The following USP43 variants were observed in gnomAD, a reference collection of about 807,000 sequenced individuals.
USP43 encodes ubiquitin specific peptidase 43, also known as ubiquitin carboxyl-terminal hydrolase 43.
In USP43, 33 loss-of-function variants were observed where a neutral mutation model predicts 90.7. That is an observed-to-expected ratio of 0.36 (90% confidence interval 0.28 to 0.49). USP43 has a LOEUF of 0.49. Ranked by LOEUF, USP43 falls within the 20% of genes least tolerant of loss-of-function variation. The probability of loss-of-function intolerance (pLI) is 0.98; values close to 1 mark genes in which losing one functional copy is unlikely to be tolerated. For synonymous variants in USP43, 598 were observed against 615.8 expected (o/e 0.97, Z 0.43); for missense variants, 1,274 against 1,476.4 (o/e 0.86, Z 2.25).
chr17:9,651,174 GT>G (rs145339421), intron 1 of USP43, among the ~76,000 whole-genome samples: 1 of 151,310 alleles, frequency 6.6e-6, no homozygotes, highest in South Asian at 2.1e-4. Flanking sequence ...GCTGTTTGAT[GT>G]TTTTTTTGTT....
At chr17:9,671,601 G>A (rs1040134766) in intron 3 of USP43, among the ~76,000 whole-genome samples, 2 of 152,200 alleles carry the variant, frequency 1.3e-5, no homozygotes. Flanking sequence ...CCGCAGCCCT[G>A]AGTTTTAATA....
At position 9,645,789 on chromosome 17, in the gene USP43, T is replaced by A; in HGVS notation, c.157T>A (p.Cys53Ser). 2 of 1,390,748 alleles carry A rather than the reference T, an allele frequency of 1.4e-6. No individual in the cohort carries two copies. Among genetic ancestry groups the A allele is most frequent in the Non-Finnish European group, 1.9e-6 (2 of 1,081,024 alleles). 86.2% of individuals were successfully genotyped at this position (1,390,748 alleles called of 1,614,324 possible). A position where few individuals can be genotyped will look rare whatever the true frequency, so the allele number is the denominator to read the frequency against. The change falls in exon 1 of 15, where the codon TGT (cysteine) becomes AGT (serine). Residue 53 changes from cysteine to serine, a missense_variant. Cys to Ser is a moderately radical substitution (Grantham distance 112). This residue lies in a region of USP43 where 112 missense variants were observed against 106.6 expected (regional missense o/e 1.05). Transcript: ENST00000285199. The surrounding 1 kb of genome is among the most constrained non-coding windows in gnomAD (Gnocchi z 6.8). The part of the protein sequence containing the change: ...DSPPRPQPGH[C>S]DGDGEGGFAC... ...ACCGCCCCGGCCCCAGCCGGGACAC[T>A]GTGATGGCGACGGTGAGGGGGGCTT... is the stretch of plus-strand genomic sequence containing the variant.
At chr17:9,703,340 G>A (rs1188778727) in intron 12 of USP43, among the ~76,000 whole-genome samples, 1 of 152,180 alleles carries the variant, frequency 6.6e-6, no homozygotes, top group East Asian at 1.9e-4. Flanking sequence ...TAAATTAAGG[G>A]CAGTGATGTA....
At position 9,728,394 on chromosome 17, in the gene USP43, C is replaced by T. The variant is rs1917392249; in HGVS notation, c.2776C>T (p.Pro926Ser). ...KENAGQDIKL[P>S]RKFDLPLTVM... Reference sequence around the variant, plus strand: ...AAATGCAGGGCAGGACATCAAGCTTCCCAGAAAGTTTGACCTGCCTCTCAC... The same window carrying T: ...AAATGCAGGGCAGGACATCAAGCTTTCCAGAAAGTTTGACCTGCCTCTCAC... The change falls in exon 15 of 15, where the codon CCC (proline) becomes TCC (serine). Residue 926 changes from proline to serine, a missense_variant. By Grantham distance (74) the Pro-to-Ser change is moderately conservative (BLOSUM62 -1). Transcript: ENST00000285199. The surrounding 1 kb of genome is among the most constrained non-coding windows in gnomAD (Gnocchi z 6.2). The T allele has an allele frequency of 6.2e-7, 1 of 1,608,410 alleles. No homozygotes were observed.
intron 2 of USP43, among the ~76,000 whole-genome samples, chr17:9,665,543 C>G (rs1912984281): frequency 6.6e-6 from 1 of 152,124 alleles, no homozygotes. Context: ...GGAACCGCCC[C>G]CATGATCCAA....
chr17:9,672,861 T>G (rs1913527295), intron 3 of USP43, among the ~76,000 whole-genome samples: 1 of 152,200 alleles, frequency 6.6e-6, no homozygotes, highest in South Asian at 2.1e-4. Context: ...CACCCAGGAT[T>G]GCCTCGGGCG....
At chr17:9,726,715 C>T (rs972627078) in intron 14 of USP43, among the ~76,000 whole-genome samples, 1 of 152,186 alleles carries the variant, frequency 6.6e-6, no homozygotes, top group South Asian at 2.1e-4. Flanking sequence ...GGGACACAAA[C>T]CTTCAGTCCA....
chr17:9,718,705 T>C (rs1916751624), intron 14 of USP43, among the ~76,000 whole-genome samples: 1 of 151,932 alleles, frequency 6.6e-6, no homozygotes, highest in African/African-American at 2.4e-5. Flanking sequence ...CCGGGCATGG[T>C]GGTGCATGCC....
intron 9 of USP43, 38 bp downstream of exon 9, chr17:9,693,268 C>T: frequency 6.5e-7 from 1 of 1,529,662 alleles, no homozygotes. Flanking sequence ...GCTAATGAAC[C>T]CTTTCTTATT....
chr17:9,726,619 T>A (rs990556518), intron 14 of USP43, among the ~76,000 whole-genome samples: 2 of 152,192 alleles, frequency 1.3e-5, no homozygotes, highest in African/African-American at 4.8e-5. Context: ...ACGAGGGCTC[T>A]ACCCTCAAGA....
intron 5 of USP43, among the ~76,000 whole-genome samples, chr17:9,677,949 G>A (rs529293431): frequency 4.6e-5 from 7 of 152,098 alleles, no homozygotes; most frequent in Admixed American, 6.5e-5. Context: ...GACCTCTATC[G>A]CTACCTCATA....
intron 14 of USP43, among the ~76,000 whole-genome samples, chr17:9,720,491 T>A (rs1016508786): frequency 1.3e-5 from 2 of 150,070 alleles, no homozygotes; most frequent in African/African-American, 4.9e-5. Flanking sequence ...TAGGAGAGGG[T>A]GTTTTTTGTT....
Position 9,728,281 on chromosome 17 carries a change from C to G in USP43, c.2663C>G (p.Ala888Gly). ...GGGCGGGCCATTGAAAGAGGTCCAG[C>G]CGGGGTGCCCTGTCCCTCGGCTCAA... Reference protein sequence around the residue: ...DGGRAIERGPAGVPCPSAQPN... With the variant: ...DGGRAIERGPGGVPCPSAQPN... The change falls in exon 15 of 15, where the codon GCC becomes GGC. Residue 888 changes from alanine to glycine, a missense_variant. This residue lies in a region of USP43 where 353 missense variants were observed against 329.7 expected (regional missense o/e 1.07). Transcript: ENST00000285199. The surrounding 1 kb of genome is among the most constrained non-coding windows in gnomAD (Gnocchi z 6.2). 1 of 1,613,394 alleles carries G rather than the reference C, an allele frequency of 6.2e-7. No individual in the cohort carries two copies. The highest frequency in any genetic ancestry group is 8.5e-7 in the Non-Finnish European group (1 of 1,179,716).
At chr17:9,670,668 T>C (rs932490223) in intron 3 of USP43, among the ~76,000 whole-genome samples, 2 of 152,044 alleles carry the variant, frequency 1.3e-5, no homozygotes, top group Admixed American at 6.5e-5. Flanking sequence ...TCGAGGGTGC[T>C]TTGAAGTACA....
intron 14 of USP43, among the ~76,000 whole-genome samples, chr17:9,726,041 G>A (rs1028575342): frequency 2.6e-5 from 4 of 152,136 alleles, no homozygotes; most frequent in African/African-American, 9.7e-5. Flanking sequence ...CTAATCTAAA[G>A]AAATGCTTTG....
chr17:9,645,764 A>G lies in USP43; in HGVS notation c.132A>G (p.Ser44=). The change falls in exon 1 of 15, where the codon TCA becomes TCG. Residue 44 remains serine, a synonymous_variant. Coordinates refer to ENST00000285199, the MANE Select transcript of USP43 (RefSeq NM_153210.5). The surrounding 1 kb of genome is among the most constrained non-coding windows in gnomAD (Gnocchi z 6.8). ...ALGSRSRPGD[S]PPRPQPGHCD... is the part of the protein sequence containing the mutation. ...GCAGCCGCTCACGCCCCGGGGACTC[A>G]CCGCCCCGGCCCCAGCCGGGACACT... The G allele has an allele frequency of 1.4e-6, 2 of 1,394,168 alleles. No individual in the cohort carries two copies. Among genetic ancestry groups the G allele is most frequent in the South Asian group, 3.2e-5 (2 of 61,842 alleles). 86.4% of individuals were successfully genotyped at this position (1,394,168 alleles called of 1,614,324 possible).
At chr17:9,656,307 G>C in intron 1 of USP43, 96 bp from the exon 2 acceptor site, 1 of 1,478,600 alleles carries the variant, frequency 6.8e-7, no homozygotes, top group South Asian at 1.4e-5. Context: ...GGTCAGGGCT[G>C]AATAATGACC....
intron 14 of USP43, among the ~76,000 whole-genome samples, chr17:9,715,564 GTC>G (rs1165801116): frequency 9.4e-5 from 14 of 149,494 alleles, no homozygotes; most frequent in Non-Finnish European, 1.6e-4. Flanking sequence ...GTGTGTGTGT[GTC>G]TCTGTGTGTG....
chr17:9,680,102 A>C, intron 5 of USP43, 129 bp from the exon 6 acceptor site: 1 of 907,514 alleles, frequency 1.1e-6, no homozygotes, highest in Non-Finnish European at 1.7e-6. Context: ...CTGCCTTATT[A>C]CTAAAAATAA....
Sources: gnomAD v4.1 joint callset for allele counts (sites outside exome capture counted in the v4.1 genomes callset) on GRCh38, gnomAD v4.1.1 for gene constraint, gnomAD v4.1.1 regional missense constraint, Gnocchi (gnomAD v3.1) non-coding constraint, MANE v1.5 for transcripts, NCBI Gene and HGNC (gene_info 2026-07-23, HGNC 2026-07-21) for gene names.